Variants in MED13 observed in about 807,000 individuals in gnomAD.
MED13 encodes mediator complex subunit 13.
Under a neutral mutation model 225.2 loss-of-function variants are expected in MED13, and 23 were observed. That is an observed-to-expected ratio of 0.10 (90% confidence interval 0.07 to 0.14). The LOEUF is 0.14. MED13 is among the 10% of genes least tolerant of loss of function. The pLI is 1.00. For synonymous variants in MED13, 942 were observed against 889.2 expected (o/e 1.06, Z -1.06); for missense variants, 2,197 against 2,594.5 (o/e 0.85, Z 3.33).
Position 62,003,599 on chromosome 17 carries a change from C to CAAAAAAAAAAAAAAAAAAAA in MED13, c.1967+6931_1967+6950dup, listed in dbSNP as rs34451831. The CAAAAAAAAAAAAAAAAAAAA allele has an allele frequency of 9.5e-4, 49 of 51,736 alleles. 1 individual carries two copies. Among genetic ancestry groups the CAAAAAAAAAAAAAAAAAAAA allele is most frequent in the East Asian group, 4.2e-3 (5 of 1,196 alleles). The allele number at this position is 51,736 out of a possible 1,614,324, so 3.2% of individuals were successfully genotyped here. A position where few individuals can be genotyped will look rare whatever the true frequency, so the allele number is the denominator to read the frequency against. On this transcript the variant is annotated intron_variant, in intron 9 of 29. Transcript: ENST00000397786. ...CAGCCTGAGCAACAACAGCAAAACT[C>CAAAAAAAAAAAAAAAAAAAA]AAAAAAAAAAAAAAAAAAAAAAGCA...
intron 26 of MED13, among the ~76,000 whole-genome samples, chr17:61,954,468 C>T (rs1012481951): frequency 2.6e-5 from 4 of 152,136 alleles, no homozygotes; most frequent in African/African-American, 7.2e-5. Flanking sequence ...TTGTGACCAA[C>T]TATTGCCTTT....
chr17:62,010,621 T>G lies in MED13; in HGVS notation c.1896A>C (p.Gln632His). Reference protein sequence around the residue: ...KKKDVEFLPPQLPSDKFKDDP... With the variant: ...KKKDVEFLPPHLPSDKFKDDP... Reference sequence around the variant, plus strand: ...CATCCTTGAATTTATCACTTGGAAGTTGAGGTGGTAAAAACTCTACATCTT... The same window carrying G: ...CATCCTTGAATTTATCACTTGGAAGGTGAGGTGGTAAAAACTCTACATCTT... The change falls in exon 9 of 30, where the codon CAA becomes CAC. Residue 632 changes from glutamine (Q) to histidine (H), a missense_variant. Around this residue, in one of 12 missense-constraint regions of MED13, gnomAD observed 884 missense variants for 918.5 expected, o/e 0.96. Transcript: ENST00000397786. 8 of 1,493,938 alleles carry G rather than the reference T, an allele frequency of 5.4e-6. 1 individual carries two copies. Among genetic ancestry groups the G allele is most frequent in the Non-Finnish European group, 7.1e-6 (8 of 1,120,988 alleles). The allele number at this position is 1,493,938 out of a possible 1,614,324, so 92.5% of individuals were successfully genotyped here. A position where few individuals can be genotyped will look rare whatever the true frequency, so the allele number is the denominator to read the frequency against.
At position 61,984,709 on chromosome 17, in the gene MED13, G is replaced by A. The variant is rs1224319340; in HGVS notation, c.2633C>T (p.Ala878Val). ...CTCATCAACCTCAATTTTGAACTGCGCTCCTATACTAGAACTATTTCCTTC... is the reference window on the plus strand; with the variant it reads ...CTCATCAACCTCAATTTTGAACTGCACTCCTATACTAGAACTATTTCCTTC... ...VLEGNSSSIG[A>V]QFKIEVDEGF... The change falls in exon 14 of 30, where the codon GCG (alanine) becomes GTG (valine). Residue 878 changes from alanine (A) to valine (V), a missense_variant. Around this residue, in one of 12 missense-constraint regions of MED13, gnomAD observed 160 missense variants for 184.8 expected, o/e 0.87. Transcript: ENST00000397786. 1.9e-6 allele frequency: 3 copies of A among 1,613,658 alleles called. No homozygotes were observed. The highest frequency in any genetic ancestry group is 1.3e-5 in the African/African-American group (1 of 74,870).
intron 16 of MED13, among the ~76,000 whole-genome samples, chr17:61,981,154 C>G (rs1249428030): frequency 6.6e-6 from 1 of 151,968 alleles, no homozygotes; most frequent in African/African-American, 2.4e-5. Context: ...TCCCGAGTAG[C>G]TGGGATTATA....
At chr17:61,964,962 CAT>C (rs1194736758) in intron 20 of MED13, 42 bp downstream of exon 20, 23 of 1,540,402 alleles carry the variant, frequency 1.5e-5, no homozygotes, top group Non-Finnish European at 1.7e-5. Flanking sequence ...GAAGCAGCAT[CAT>C]AGTTTTTATA....
intron 8 of MED13, among the ~76,000 whole-genome samples, chr17:62,015,913 C>CATATATATAT (rs1369178569): frequency 1.7e-4 from 2 of 12,056 alleles, no homozygotes; most frequent in Non-Finnish European, 2.8e-4. Context: ...ACACACTATA[C>CATATATATAT]ACATATATAT....
chr17:61,985,287 G>A (rs536346811), intron 12 of MED13, among the ~76,000 whole-genome samples, 197 bp from the exon 13 acceptor site: 224 of 152,172 alleles, frequency 1.5e-3, no homozygotes, highest in African/African-American at 5.2e-3. Flanking sequence ...AATTTATTTG[G>A]TAAGCCTCCA....
intron 27 of MED13, among the ~76,000 whole-genome samples, chr17:61,952,192 C>G (rs868444083): frequency 6.6e-6 from 1 of 152,102 alleles, no homozygotes; most frequent in African/African-American, 2.4e-5. Flanking sequence ...CGCGCCCAGC[C>G]CAGTATATAT....
intron 8 of MED13, among the ~76,000 whole-genome samples, chr17:62,011,446 A>G (rs927840941): frequency 3.9e-5 from 6 of 152,248 alleles, no homozygotes; most frequent in African/African-American, 1.4e-4. Flanking sequence ...AAAGCCAATT[A>G]TCTCATGCTC....
At chr17:62,005,483 G>A (rs1183246054) in intron 9 of MED13, 1 of 152,214 alleles carries the variant, frequency 6.6e-6, no homozygotes, top group African/African-American at 2.4e-5. Flanking sequence ...GTGCACGCCT[G>A]TAATCCCAGC....
intron 2 of MED13, among the ~76,000 whole-genome samples, chr17:62,053,959 C>T (rs1568005267): frequency 6.6e-6 from 1 of 152,126 alleles, no homozygotes; most frequent in Non-Finnish European, 1.5e-5. Flanking sequence ...ATATTTTCTC[C>T]TAAATGATAG....
chr17:62,056,579 C>T (rs2080998023), intron 2 of MED13, among the ~76,000 whole-genome samples: 1 of 149,190 alleles, frequency 6.7e-6, no homozygotes, highest in Non-Finnish European at 1.5e-5. Flanking sequence ...CCTGGCAATA[C>T]AGGAAGACCC....
At chr17:62,058,749 A>G (rs2081015474) in intron 2 of MED13, among the ~76,000 whole-genome samples, 1 of 152,198 alleles carries the variant, frequency 6.6e-6, no homozygotes, top group Admixed American at 6.5e-5. Context: ...GGCTAATACT[A>G]GTTAGCACAA....
At chr17:62,036,454 C>T (rs1057434072) in intron 3 of MED13, among the ~76,000 whole-genome samples, 3 of 152,106 alleles carry the variant, frequency 2.0e-5, no homozygotes, top group African/African-American at 4.8e-5. Context: ...GGTCAAGTTG[C>T]GCAGAGGAGG....
chr17:61,984,417 A>C, intron 14 of MED13, 50 bp from the exon 15 acceptor site: 1 of 1,344,396 alleles, frequency 7.4e-7, no homozygotes, highest in East Asian at 2.4e-5. Context: ...CTAGGAGGAA[A>C]AAATAAATAA....
chr17:62,047,231 C>A (rs766029727), intron 3 of MED13, among the ~76,000 whole-genome samples: 19 of 151,928 alleles, frequency 1.3e-4, no homozygotes, highest in Non-Finnish European at 2.2e-4. Flanking sequence ...ATTAGCCGGG[C>A]GTGCTGGTGG....
chr17:61,997,656 T>C (rs930238038), intron 9 of MED13, among the ~76,000 whole-genome samples: 5 of 152,162 alleles, frequency 3.3e-5, no homozygotes, highest in Non-Finnish European at 7.4e-5. Context: ...GGTCACATAG[T>C]GGCAAAGTCA....
In MED13 at chr17:62,014,310, T is replaced by TATATATATATATA. The variant is rs1555638734; in HGVS notation, c.1284-3078_1284-3077insTATATATATATAT. 6.9e-3 allele frequency among the ~76,000 whole-genome samples: 994 copies of TATATATATATATA among 143,048 alleles called. 26 individuals are homozygous for TATATATATATATA. Among genetic ancestry groups the TATATATATATATA allele is most frequent in the African/African-American group, 0.025 (940 of 37,138 alleles). The allele number at this position is 143,048 out of a possible 152,430, so 93.8% of individuals were successfully genotyped here. A position where few individuals can be genotyped will look rare whatever the true frequency, so the allele number is the denominator to read the frequency against. ...ATGATGGGAAGTTCTGTATATGTTT[T>TATATATATATATA]TATATATATATATATATATATTTTG... On this transcript the variant is annotated intron_variant, in intron 8 of 29. Transcript: ENST00000397786.
chr17:62,019,419 C>T (rs1048564316), intron 8 of MED13, among the ~76,000 whole-genome samples: 8 of 152,224 alleles, frequency 5.3e-5, no homozygotes, highest in East Asian at 1.9e-4. Context: ...TTGCAGTCTT[C>T]GGTAATTTTT....
Sources: gnomAD v4.1 joint callset for allele counts (sites outside exome capture counted in the v4.1 genomes callset) on GRCh38, gnomAD v4.1.1 for gene constraint, gnomAD v4.1.1 regional missense constraint, MANE v1.5 for transcripts, NCBI Gene and HGNC (gene_info 2026-07-23, HGNC 2026-07-21) for gene names.